ARMC2: variants seen among roughly 807,000 people sequenced by gnomAD.
ARMC2 encodes the protein armadillo repeat-containing protein 2.
Under a neutral mutation model 90.3 loss-of-function variants are expected in ARMC2, and 67 were observed. The ratio of observed to expected loss-of-function variants is 0.74; its 90% confidence interval spans 0.61 to 0.91. The LOEUF (loss-of-function observed/expected upper bound fraction) is 0.91. Ranked by LOEUF, ARMC2 falls within the 40% of genes least tolerant of loss-of-function variation. ARMC2 has a pLI of 0.00. For missense variants in ARMC2, 920 were observed against 1,030.9 expected, an observed-to-expected ratio of 0.89 and a Z score of 1.47; for synonymous variants, 393 against 393.0, an observed-to-expected ratio of 1.00 and a Z score of 0.00.
At chr6:109,001,111 T>C in the ARMC2 span, among the ~76,000 whole-genome samples, 1 of 152,222 alleles carries the variant, frequency 6.6e-6, no homozygotes, top group African/African-American at 2.4e-5. Flanking sequence ...CTTGCTTCTT[T>C]TTCTGTTATA....
chr6:109,049,136 A>G, the ARMC2 span, among the ~76,000 whole-genome samples: 1 of 152,216 alleles, frequency 6.6e-6, no homozygotes, highest in East Asian at 1.9e-4. Context: ...TTGGTATCAA[A>G]AAAAAGAGGA....
chr6:109,033,439 T>C, the ARMC2 span, among the ~76,000 whole-genome samples: 3 of 152,234 alleles, frequency 2.0e-5, no homozygotes, highest in Admixed American at 2.0e-4. Flanking sequence ...TTGATGGAGA[T>C]GCTTATCAAT....
intron 1 of ARMC2, among the ~76,000 whole-genome samples, chr6:108,850,105 T>C (rs1404175168): frequency 1.3e-5 from 2 of 152,258 alleles, no homozygotes; most frequent in Admixed American, 1.3e-4. Context: ...GACAGGTCTT[T>C]ATAATTAGTT....
the ARMC2 span, among the ~76,000 whole-genome samples, chr6:109,027,570 C>T: frequency 6.7e-6 from 1 of 150,102 alleles, no homozygotes; most frequent in South Asian, 2.1e-4. Context: ...GGGTGTAGTG[C>T]AGTTGTTCTT....
At chr6:108,925,093 T>G (rs1315912636) in intron 10 of ARMC2, among the ~76,000 whole-genome samples, 7 of 152,136 alleles carry the variant, frequency 4.6e-5, no homozygotes, top group African/African-American at 1.7e-4. Flanking sequence ...TGGATGGGGG[T>G]TATAGAGGCA....
At chr6:108,851,903 G>A (rs1774052838) in intron 1 of ARMC2, among the ~76,000 whole-genome samples, 1 of 152,184 alleles carries the variant, frequency 6.6e-6, no homozygotes, top group Admixed American at 6.5e-5. Flanking sequence ...CACATTAGTG[G>A]TTCTTCTTGC....
Position 108,871,143 on chromosome 6 carries a change from TG to T in ARMC2, c.463+2150del, listed in dbSNP as rs1776369873. On this transcript the variant is annotated intron_variant, in intron 4 of 17. Coordinates refer to ENST00000392644, the MANE Select transcript of ARMC2 (RefSeq NM_032131.6). The stretch of plus-strand genomic sequence containing the variant: ...GACCGGGCACGAGAGCAAGTGCTGG[TG>T]GTGGAGGACCTGGAGGTCCAGTGGC... Among the ~76,000 whole-genome samples, 3 of 151,914 alleles carry T rather than the reference TG, an allele frequency of 2.0e-5. No homozygotes were observed. The South Asian group carries it at 6.3e-4, about 32-fold the overall frequency.
intron 5 of ARMC2, among the ~76,000 whole-genome samples, chr6:108,878,515 G>T (rs1777154953): frequency 6.6e-6 from 1 of 152,188 alleles, no homozygotes; most frequent in Non-Finnish European, 1.5e-5. Context: ...CCATGAAACT[G>T]CAATAATTGT....
the ARMC2 span, among the ~76,000 whole-genome samples, chr6:109,005,186 G>A: frequency 6.6e-6 from 1 of 152,196 alleles, no homozygotes; most frequent in African/African-American, 2.4e-5. Context: ...TCAATAGAAG[G>A]CTGTTTCAAT....
intron 17 of ARMC2, among the ~76,000 whole-genome samples, chr6:108,966,939 CA>C (rs1778414552): frequency 6.6e-6 from 1 of 152,080 alleles, no homozygotes; most frequent in African/African-American, 2.4e-5. Flanking sequence ...GAAGAGTGTA[CA>C]GAGAAGAAAG....
chr6:109,047,006 C>G, the ARMC2 span, among the ~76,000 whole-genome samples: 1 of 59,544 alleles, frequency 1.7e-5, no homozygotes, highest in South Asian at 9.1e-4. Flanking sequence ...GGGGTCAGCC[C>G]CCTGCCCGGC....
chr6:109,001,350 G>A, the ARMC2 span: 1 of 1,613,836 alleles, frequency 6.2e-7, no homozygotes, highest in Non-Finnish European at 8.5e-7. Context: ...AGTAGATAGT[G>A]CTGAGTTTTT....
the ARMC2 span, chr6:108,999,860 T>C: frequency 2.0e-5 from 3 of 152,162 alleles, no homozygotes; most frequent in African/African-American, 7.2e-5. Flanking sequence ...TTATCCGTAA[T>C]TGCCCCAAAC....
intron 10 of ARMC2, among the ~76,000 whole-genome samples, chr6:108,923,661 T>C (rs931149242): frequency 2.0e-5 from 3 of 148,264 alleles, no homozygotes; most frequent in Admixed American, 6.8e-5. Flanking sequence ...AAAAGGCCAC[T>C]GGTCTGAGCA....
intron 10 of ARMC2, among the ~76,000 whole-genome samples, chr6:108,914,674 T>C (rs1266732083): frequency 2.0e-5 from 3 of 152,220 alleles, no homozygotes; most frequent in Non-Finnish European, 2.9e-5. Context: ...GAAGGAGACA[T>C]TGTTTTAGTC....
chr6:108,861,094 A>C (rs898883405), intron 3 of ARMC2, among the ~76,000 whole-genome samples: 4 of 152,198 alleles, frequency 2.6e-5, no homozygotes, highest in African/African-American at 7.2e-5. Context: ...GCCTGACTGC[A>C]TGGAGCTGGG....
chr6:108,875,054 G>C (rs1472907563), intron 4 of ARMC2, among the ~76,000 whole-genome samples: 1 of 152,080 alleles, frequency 6.6e-6, no homozygotes, highest in Non-Finnish European at 1.5e-5. Context: ...TCTACATGCA[G>C]CTCATCCCCA....
chr6:108,931,338 G>A (rs1232773745), intron 11 of ARMC2, among the ~76,000 whole-genome samples: 2 of 151,890 alleles, frequency 1.3e-5, no homozygotes, highest in African/African-American at 2.4e-5. Context: ...GGGCACTTAG[G>A]TTGATTCCAT....
At chr6:108,955,139 A>G (rs1343564044) in intron 13 of ARMC2, among the ~76,000 whole-genome samples, 2 of 152,196 alleles carry the variant, frequency 1.3e-5, no homozygotes. Flanking sequence ...ATACAGTCAC[A>G]TTGAAGGGAT....
Sources: gnomAD v4.1 joint callset for allele counts (sites outside exome capture counted in the v4.1 genomes callset) on GRCh38, gnomAD v4.1.1 for gene constraint, MANE v1.5 for transcripts, NCBI Gene and HGNC (gene_info 2026-07-23, HGNC 2026-07-21) for gene names.